The following GUCY1A2 variants were observed in gnomAD, a reference collection of about 807,000 sequenced individuals.
GUCY1A2 encodes the protein guanylate cyclase 1 soluble subunit alpha 2.
In GUCY1A2, 27 loss-of-function variants were observed where a neutral mutation model predicts 63.5. The ratio of observed to expected loss-of-function variants is 0.43; its 90% CI spans 0.31 to 0.59. GUCY1A2 has a LOEUF of 0.59. Among genes scored for constraint, GUCY1A2 ranks in the 20% least tolerant of loss-of-function variants. The pLI is 0.11. For synonymous variants in GUCY1A2, 364 were observed against 343.5 expected (o/e 1.06, Z -0.66); for missense variants, 768 against 913.3 (o/e 0.84, Z 2.05).
chr11:106,896,112 G>A (rs1180353300), intron 4 of GUCY1A2, among the ~76,000 whole-genome samples: 1 of 151,086 alleles, frequency 6.6e-6, no homozygotes, highest in Non-Finnish European at 1.5e-5. Flanking sequence ...ATAAATGTAA[G>A]TATACACCAC....
chr11:106,776,504 G>A lies in GUCY1A2; in HGVS notation c.1771C>T (p.Leu591=). 4.3e-6 allele frequency: 7 copies of A among 1,613,498 alleles called. No homozygotes were observed. Among genetic ancestry groups the A allele is most frequent in the Non-Finnish European group, 5.9e-6 (7 of 1,179,416 alleles). Residue 591 remains leucine (L), a synonymous_variant, in exon 6 of 8, where the codon CTG becomes TTG. Coordinates refer to ENST00000526355, the MANE Select transcript of GUCY1A2 (RefSeq NM_000855.3). ...AGTTCCATCATCTTCAAGGCCATCA[G>A]AGCAATGGGTTTAGCATGGCAGAGG... is the stretch of plus-strand genomic sequence containing the variant. ...KSLCHAKPIA[L]MALKMMELSE...
At chr11:106,736,695 C>A (rs1221109295) in intron 6 of GUCY1A2, among the ~76,000 whole-genome samples, 1 of 152,100 alleles carries the variant, frequency 6.6e-6, no homozygotes, top group African/African-American at 2.4e-5. Context: ...ATAGTGATTG[C>A]ATTGAATCTG....
At chr11:106,824,851 T>C in intron 4 of GUCY1A2, 3 of 1,610,754 alleles carry the variant, frequency 1.9e-6, no homozygotes, top group Non-Finnish European at 2.5e-6. Context: ...GATAAAAAGA[T>C]GGAGGAAAAA....
intron 5 of GUCY1A2, among the ~76,000 whole-genome samples, chr11:106,801,561 T>C (rs1017825362): frequency 2.5e-4 from 38 of 152,132 alleles, no homozygotes; most frequent in African/African-American, 8.0e-4. Flanking sequence ...ATTTAAACCA[T>C]TGCTTTCTAA....
rs1341922103 is a variant in GUCY1A2, at chr11:106,983,522, A to G, written c.365+2548T>C. ...CAGAGAGTTTCTATGGGCAACCAGT[A>G]TAAGAATCCAAGGAGCAGAACCGTA... On this transcript the variant is annotated intron_variant, in intron 2 of 7. Transcript: ENST00000526355. Among the ~76,000 whole-genome samples, 6 of 152,208 alleles carry G rather than the reference A, an allele frequency of 3.9e-5. No individual in the cohort carries two copies. The East Asian group carries it at 7.7e-4, about 20-fold the overall frequency.
chr11:106,743,141 T>C (rs977111521), intron 6 of GUCY1A2, among the ~76,000 whole-genome samples: 1 of 152,176 alleles, frequency 6.6e-6, no homozygotes, highest in African/African-American at 2.4e-5. Flanking sequence ...TCTTCTTCTT[T>C]ATCTGTAACA....
chr11:106,946,070 CA>C (rs1395648785), intron 3 of GUCY1A2, among the ~76,000 whole-genome samples: 5 of 152,082 alleles, frequency 3.3e-5, no homozygotes, highest in Admixed American at 3.3e-4. Flanking sequence ...ACAATCTCAG[CA>C]AACCACAGGA....
chr11:106,795,521 C>T (rs1184157299), intron 5 of GUCY1A2, among the ~76,000 whole-genome samples: 1 of 152,184 alleles, frequency 6.6e-6, no homozygotes, highest in East Asian at 1.9e-4. Flanking sequence ...CTTTCATAGA[C>T]TCCAACACAT....
chr11:106,861,609 A>G (rs2135457622), intron 4 of GUCY1A2, among the ~76,000 whole-genome samples: 2 of 152,142 alleles, frequency 1.3e-5, no homozygotes, highest in South Asian at 4.1e-4. Flanking sequence ...TAGGATAATA[A>G]ATACATCCCT....
chr11:106,770,267 G>A (rs981437712), intron 6 of GUCY1A2, among the ~76,000 whole-genome samples: 4 of 151,926 alleles, frequency 2.6e-5, no homozygotes, highest in Non-Finnish European at 4.4e-5. Flanking sequence ...AATATGTAAC[G>A]TGTTGTAAAT....
chr11:106,853,060 C>T (rs980858629), intron 4 of GUCY1A2, among the ~76,000 whole-genome samples: 1 of 152,084 alleles, frequency 6.6e-6, no homozygotes, highest in Non-Finnish European at 1.5e-5. Context: ...TTTTCTCTTG[C>T]TGTTTGTAGA....
chr11:106,696,217 C>T (rs1862716381), intron 7 of GUCY1A2, among the ~76,000 whole-genome samples: 2 of 152,128 alleles, frequency 1.3e-5, no homozygotes, highest in South Asian at 2.1e-4. Context: ...CAATTTTGAC[C>T]TTTAACAGCC....
At chr11:106,874,147 GTCT>G (rs981874744) in intron 4 of GUCY1A2, among the ~76,000 whole-genome samples, 1 of 152,094 alleles carries the variant, frequency 6.6e-6, no homozygotes, top group Non-Finnish European at 1.5e-5. Context: ...CTAGCACAAT[GTCT>G]TCTAATTAAT....
At position 106,686,272 on chromosome 11, in the gene GUCY1A2, T is replaced by C. The variant is rs139958178; in HGVS notation, c.*1277A>G. The stretch of plus-strand genomic sequence containing the variant: ...GTCTTCATTTGAGCAGGACATGCGA[T>C]GGAATCCTATCTGTAACTATAATGA... On this transcript the variant is annotated 3_prime_UTR_variant, in exon 8 of 8. Transcript: ENST00000526355. 4.6e-6 allele frequency: 1 copy of C among 219,198 alleles called. No individual in the cohort carries two copies. The highest frequency in any genetic ancestry group is 6.7e-5 in the East Asian group (1 of 14,944). The allele number at this position is 219,198 out of a possible 1,614,324, so 13.6% of individuals were successfully genotyped here. A position where few individuals can be genotyped will look rare whatever the true frequency, so the allele number is the denominator to read the frequency against.
chr11:106,938,889 C>A (rs1212772977), intron 4 of GUCY1A2, among the ~76,000 whole-genome samples: 1 of 152,120 alleles, frequency 6.6e-6, no homozygotes, highest in Non-Finnish European at 1.5e-5. Flanking sequence ...AACTAGAGAT[C>A]ATGTTCTAAA....
chr11:106,703,077 G>C (rs369831578), intron 7 of GUCY1A2, among the ~76,000 whole-genome samples: 1 of 152,126 alleles, frequency 6.6e-6, no homozygotes, highest in Non-Finnish European at 1.5e-5. Context: ...AACATGGAAA[G>C]ATTAGACTGG....
intron 6 of GUCY1A2, among the ~76,000 whole-genome samples, chr11:106,730,015 A>T (rs928595069): frequency 6.9e-6 from 1 of 145,390 alleles, no homozygotes; most frequent in Non-Finnish European, 1.5e-5. Context: ...ATAAGCAAAA[A>T]TGTCATTCTT....
chr11:106,859,689 C>A (rs1029139655), intron 4 of GUCY1A2, among the ~76,000 whole-genome samples: 1 of 151,946 alleles, frequency 6.6e-6, no homozygotes, highest in Non-Finnish European at 1.5e-5. Flanking sequence ...CAATGACCGA[C>A]CACTTACACA....
Position 107,018,179 on chromosome 11 carries a change from C to CA in GUCY1A2, c.-125_-124insT. ...CGTCGGGGCCGCGGGGCGCTGCGGT[C>CA]GCGCCCGGCGGGGCGGGAGTCCCCG... On this transcript the variant is annotated 5_prime_UTR_variant, in exon 1 of 8. The change creates a premature stop within an existing upstream ORF in the 5' untranslated region. Transcript: ENST00000526355. 1 of 407,072 alleles carries CA rather than the reference C, an allele frequency of 2.5e-6. No individual in the cohort carries two copies. The highest frequency in any genetic ancestry group is 3.8e-6 in the Non-Finnish European group (1 of 265,788). 25.2% of individuals were successfully genotyped at this position (407,072 alleles called of 1,614,324 possible). A position where few individuals can be genotyped will look rare whatever the true frequency, so the allele number is the denominator to read the frequency against.
Sources: gnomAD v4.1 joint callset for allele counts (sites outside exome capture counted in the v4.1 genomes callset) on GRCh38, gnomAD v4.1.1 for gene constraint, MANE v1.5 for transcripts, NCBI Gene and HGNC (gene_info 2026-07-23, HGNC 2026-07-21) for gene names.